The following IBTK variants were observed in gnomAD, a reference collection of about 807,000 sequenced individuals.
IBTK encodes the protein inhibitor of Bruton tyrosine kinase.
A neutral mutation model predicts 154.9 loss-of-function variants in IBTK; 83 were observed. The observed-to-expected ratio is 0.54, with a 90% CI of 0.45 to 0.64. The LOEUF (loss-of-function observed/expected upper bound fraction) is 0.64, where lower values mean the gene tolerates loss of function less well. IBTK is among the 30% of genes least tolerant of loss of function. The pLI is 0.00. For missense variants in IBTK, 1,332 were observed against 1,584.6 expected (o/e 0.84, Z 2.71); for synonymous variants, 515 against 536.1 (o/e 0.96, Z 0.54).
chr6:82,174,625 G>A (rs1768043578), intron 26 of IBTK, among the ~76,000 whole-genome samples: 1 of 152,130 alleles, frequency 6.6e-6, no homozygotes. Flanking sequence ...TAGAGCCAGA[G>A]TACAAAATGC....
At chr6:82,199,161 T>G (rs1769105182) in intron 21 of IBTK, among the ~76,000 whole-genome samples, 1 of 152,160 alleles carries the variant, frequency 6.6e-6, no homozygotes. Flanking sequence ...AAGATTCATA[T>G]TCAAGTATTC....
Position 82,230,103 on chromosome 6 carries a change from G to A in IBTK, c.543+1615C>T, listed in dbSNP as rs771310198. On this transcript the variant is annotated intron_variant, in intron 4 of 28. Transcript: ENST00000306270. Reference sequence around the variant, plus strand: ...AACCAGAACTGTCCTGGGCAAACTAGGGATATGTTGTCAAAGTAGCTCTAA... The same window carrying A: ...AACCAGAACTGTCCTGGGCAAACTAAGGATATGTTGTCAAAGTAGCTCTAA... Among the ~76,000 whole-genome samples, 140 of 152,118 alleles carry A rather than the reference G, an allele frequency of 9.2e-4. 3 individuals carry two copies. The highest frequency in any genetic ancestry group is 3.9e-4 in the Admixed American group (6 of 15,272).
At chr6:82,233,170 A>G (rs978575063) in intron 3 of IBTK, among the ~76,000 whole-genome samples, 6 of 151,900 alleles carry the variant, frequency 3.9e-5, no homozygotes, top group Admixed American at 1.3e-4. Flanking sequence ...AAAAAAAAAA[A>G]AAAAAAATTA....
intron 27 of IBTK, chr6:82,173,134 T>C (rs197243): frequency 0.27 from 86,316 of 322,214 alleles, 13,041 homozygotes; most frequent in Non-Finnish European, 0.33. Flanking sequence ...CATGAGTAGC[T>C]GGCATCACAG....
chr6:82,206,177 C>T (rs1324766670), intron 16 of IBTK, among the ~76,000 whole-genome samples: 2 of 152,214 alleles, frequency 1.3e-5, no homozygotes, highest in Non-Finnish European at 2.9e-5. Context: ...TTCCTCTCCC[C>T]TCCTCCACAG....
chr6:82,234,146 G>A lies in IBTK; in HGVS notation c.418+13C>T. 7.0e-7 allele frequency: 1 copy of A among 1,438,020 alleles called. No individual in the cohort carries two copies. The highest frequency in any genetic ancestry group is 1.2e-5 in the South Asian group (1 of 84,810). 89.1% of individuals were successfully genotyped at this position (1,438,020 alleles called of 1,614,324 possible). A position where few individuals can be genotyped will look rare whatever the true frequency, so the allele number is the denominator to read the frequency against. ...GAGCCGCAGCGCCCAGCCCATTTGT[G>A]AAATTTTCTTACCAGTATTCTTGAA... On this transcript the variant is annotated intron_variant, in intron 3 of 28. Coordinates refer to ENST00000306270, the MANE Select transcript of IBTK (RefSeq NM_015525.4).
intron 16 of IBTK, among the ~76,000 whole-genome samples, chr6:82,208,913 A>C (rs1435902501): frequency 6.6e-6 from 1 of 152,206 alleles, no homozygotes; most frequent in Non-Finnish European, 1.5e-5. Context: ...TAATTGAGAA[A>C]AAAAGTGTCC....
chr6:82,172,339 A>G (rs368122645), intron 28 of IBTK, 41 bp downstream of exon 28: 2 of 1,577,142 alleles, frequency 1.3e-6, no homozygotes, highest in African/African-American at 2.7e-5. Flanking sequence ...TAGGAAATGT[A>G]GTTCTTCTCT....
chr6:82,205,085 C>T, intron 16 of IBTK, 127 bp from the exon 17 acceptor site: 2 of 459,748 alleles, frequency 4.4e-6, no homozygotes, highest in South Asian at 6.3e-5. Flanking sequence ...GTAATTAGTA[C>T]ACTAGAAAAG....
chr6:82,181,045 T>C (rs1205949062), intron 26 of IBTK, among the ~76,000 whole-genome samples: 3 of 152,196 alleles, frequency 2.0e-5, no homozygotes, highest in Non-Finnish European at 4.4e-5. Flanking sequence ...CATGTAGGCA[T>C]TTAAAATATG....
At chr6:82,240,031 G>C (rs1770881580) in intron 2 of IBTK, 135 bp downstream of exon 2, 9 of 661,534 alleles carry the variant, frequency 1.4e-5, no homozygotes, top group Non-Finnish European at 2.3e-5. Context: ...CCAAAGATCA[G>C]TTACAGTAGT....
At chr6:82,220,937 TACACACACACACACACACACACAC>T (rs57358110) in intron 8 of IBTK, among the ~76,000 whole-genome samples, 1 of 130,090 alleles carries the variant, frequency 7.7e-6, no homozygotes, top group Non-Finnish European at 1.6e-5. Context: ...TGACTTTACC[TACACACACACACACACACACACAC>T]ACACACACAC....
chr6:82,200,836 A>G (rs1233840110), intron 19 of IBTK, 128 bp from the exon 20 acceptor site: 1 of 1,019,670 alleles, frequency 9.8e-7, no homozygotes, highest in Non-Finnish European at 1.3e-6. Flanking sequence ...CCTGGCCCCA[A>G]GCAAACCTCC....
intron 23 of IBTK, among the ~76,000 whole-genome samples, chr6:82,193,487 T>A (rs546853121): frequency 6.6e-6 from 1 of 152,220 alleles, no homozygotes; most frequent in East Asian, 1.9e-4. Flanking sequence ...GCACATAAAA[T>A]GGAACATCAT....
intron 9 of IBTK, among the ~76,000 whole-genome samples, chr6:82,219,832 C>T (rs921198687): frequency 1.3e-5 from 2 of 151,904 alleles, no homozygotes; most frequent in Non-Finnish European, 2.9e-5. Flanking sequence ...TATTATAATG[C>T]ATACATTTGT....
chr6:82,246,441 C>CTT (rs1554189129), intron 1 of IBTK, among the ~76,000 whole-genome samples: 47 of 111,666 alleles, frequency 4.2e-4, no homozygotes, highest in Middle Eastern at 5.0e-3. Flanking sequence ...TTACAGGCAT[C>CTT]TTTTTTTTTT....
intron 21 of IBTK, 46 bp downstream of exon 21, chr6:82,200,095 G>C (rs1769145174): frequency 8.7e-7 from 1 of 1,155,838 alleles, no homozygotes; most frequent in South Asian, 1.3e-5. Flanking sequence ...TGTGAATAGA[G>C]ACATAGAAGA....
chr6:82,199,254 T>C (rs1769109425), intron 21 of IBTK, among the ~76,000 whole-genome samples: 1 of 151,858 alleles, frequency 6.6e-6, no homozygotes, highest in Non-Finnish European at 1.5e-5. Context: ...TGTGTGTTTG[T>C]GTGTGTGTGT....
rs1293948720 is a variant in IBTK, at chr6:82,216,194, T to C, written c.1483A>G (p.Asn495Asp). ...AGTCGAATTCTTTCATACACACTAT[T>C]TATATCAGAGACATAAGACACATCT... ...SSDVSYVSDINSVYERIRLEK... is the reference protein window; with the variant it reads ...SSDVSYVSDIDSVYERIRLEK... The change falls in exon 11 of 29, where the codon AAT becomes GAT. Residue 495 changes from asparagine to aspartate, a missense_variant. Physicochemically the swap from Asn to Asp is conservative, Grantham distance 23. Around this residue, in one of 3 missense-constraint regions of IBTK, gnomAD observed 1,134 missense variants for 1,274.7 expected, o/e 0.89. Coordinates refer to ENST00000306270, the MANE Select transcript of IBTK (RefSeq NM_015525.4). 3 of 1,610,718 alleles carry C rather than the reference T, an allele frequency of 1.9e-6. No individual in the cohort carries two copies. The East Asian group carries it at 6.7e-5, about 36-fold the overall frequency.
Sources: allele counts gnomAD v4.1 joint callset (sites outside exome capture counted in the v4.1 genomes callset), GRCh38; gene constraint gnomAD v4.1.1; regional missense constraint gnomAD v4.1.1; transcripts MANE v1.5; gene names NCBI Gene and HGNC (gene_info 2026-07-23, HGNC 2026-07-21).